The following MUC4 variants were observed in gnomAD, a reference collection of about 807,000 sequenced individuals.
The protein encoded by MUC4 is mucin-4.
MUC4 carries 202 observed loss-of-function variants against 257.9 expected under a neutral mutation model. That is an observed-to-expected ratio of 0.78 (90% CI 0.70 to 0.88). MUC4 has a LOEUF of 0.88. Among genes scored for constraint, MUC4 ranks in the 40% least tolerant of loss-of-function variants. MUC4 has a pLI of 0.00. For synonymous variants in MUC4, 2,351 were observed against 2,757.1 expected (o/e 0.85, Z 4.62); for missense variants, 5,976 against 6,513.7 (o/e 0.92, Z 2.84).
At position 195,790,291 on chromosome 3, in the gene MUC4, C is replaced by G. The variant is rs757852142; in HGVS notation, c.1289G>C (p.Trp430Ser). Residue 430 changes from tryptophan to serine, a missense_variant, in exon 2 of 25, where the codon TGG becomes TCG. By Grantham distance (177) the Trp-to-Ser change is radical (BLOSUM62 -3). This residue lies in a region of MUC4 where 1,583 missense variants were observed against 1,257.4 expected (regional missense o/e 1.26). Transcript: ENST00000463781. ...GAGTGCTGTTGACAGAGTGTCTGAC[C>G]ACCATATGGTTGAAACTTTGGAAGT... Reference protein sequence around the residue: ...AITSKVSTIWWSDTLSTALSP... With the variant: ...AITSKVSTIWSSDTLSTALSP... 1 of 1,613,928 alleles carries G rather than the reference C, an allele frequency of 6.2e-7. No homozygotes were observed. The highest frequency in any genetic ancestry group is 8.5e-7 in the Non-Finnish European group (1 of 1,179,856).
rs560125103 is a variant in MUC4, at chr3:195,781,549, G to C, written c.10031C>G (p.Pro3344Arg). The C allele has an allele frequency of 5.1e-5, 65 of 1,268,478 alleles. No individual in the cohort carries two copies. The African/African-American group carries it at 9.8e-4, about 19-fold the overall frequency. 78.6% of individuals were successfully genotyped at this position (1,268,478 alleles called of 1,614,324 possible). A position where few individuals can be genotyped will look rare whatever the true frequency, so the allele number is the denominator to read the frequency against. Reference sequence around the variant, plus strand: ...TGAGGAAGTGTCGGTGACAGGCACAGGGGTGGTGTCACCTGTGGATGCTGA... The same window carrying C: ...TGAGGAAGTGTCGGTGACAGGCACACGGGTGGTGTCACCTGTGGATGCTGA... The part of the protein sequence containing the change: ...PSSASTGDTT[P>R]VPVTDTSSVS... The change falls in exon 2 of 25, where the codon CCT becomes CGT. Residue 3344 changes from proline to arginine, a missense_variant. This residue lies in a region of MUC4 where 72 missense variants were observed against 33.5 expected (regional missense o/e 2.15). Coordinates refer to ENST00000463781, the MANE Select transcript of MUC4 (RefSeq NM_018406.7).
At position 195,756,563 on chromosome 3, in the gene MUC4, G is replaced by GTTTC. The variant is rs923652953; in HGVS notation, c.15168+580_15168+583dup. Reference sequence around the variant, plus strand: ...TTCGTCCTTCTTTTTCTCCAATATAGTTTCTTTCTTTCTTTCTTTTTCTCC... The same window carrying GTTTC: ...TTCGTCCTTCTTTTTCTCCAATATAGTTTCTTTCTTTCTTTCTTTCTTTTTCTCC... On this transcript the variant is annotated intron_variant, in intron 18 of 24. Transcript: ENST00000463781. Among the ~76,000 whole-genome samples the GTTTC allele has an allele frequency of 2.7e-5, 4 of 150,758 alleles. No homozygotes were observed. The South Asian group carries it at 6.3e-4, about 24-fold the overall frequency.
At chr3:195,761,874 T>C (rs953953931) in intron 14 of MUC4, among the ~76,000 whole-genome samples, 3 of 151,940 alleles carry the variant, frequency 2.0e-5, no homozygotes, top group African/African-American at 2.4e-5. Flanking sequence ...CAGCCCCCCC[T>C]GATGCTCCCT....
intron 1 of MUC4, chr3:195,809,853 A>AGGGGACCGGGGCCCTGG (rs1449079433): frequency 2.6e-5 from 4 of 152,340 alleles, no homozygotes; most frequent in Admixed American, 6.5e-5. Flanking sequence ...CTTTTTACAC[A>AGGGGACCGGGGCCCTGG]GGGGACCGGG....
At chr3:195,774,014 T>C (rs996834769) in intron 4 of MUC4, among the ~76,000 whole-genome samples, 158 bp downstream of exon 4, 1 of 152,248 alleles carries the variant, frequency 6.6e-6, no homozygotes, top group African/African-American at 2.4e-5. Flanking sequence ...CACCCTGTGT[T>C]CCTCAGGCAG....
chr3:195,806,971 G>A lies in MUC4; in HGVS notation c.82+4765C>T, dbSNP rs1191537351. Among the ~76,000 whole-genome samples the A allele has an allele frequency of 2.6e-5, 4 of 152,132 alleles. No homozygotes were observed. The South Asian group carries it at 8.3e-4, about 31-fold the overall frequency. Reference sequence around the variant, plus strand: ...CTTTTGGAACCTAAACTGCAACCTGGGCGGGGCGGCATCTCTACAGAGAGT... The same window carrying A: ...CTTTTGGAACCTAAACTGCAACCTGAGCGGGGCGGCATCTCTACAGAGAGT... On this transcript the variant is annotated intron_variant, in intron 1 of 24. Coordinates refer to ENST00000463781, the MANE Select transcript of MUC4 (RefSeq NM_018406.7).
Position 195,783,138 on chromosome 3 carries a change from G to T in MUC4, c.8442C>A (p.Ala2814=). The part of the protein sequence containing the change: ...TDASSVSTGH[A]TSLPVTDASS... ...AAGCGTCGGTGACAGGAAGAGAGGT[G>T]GCGTGACCTGTGGACACTGACGAAG... The change falls in exon 2 of 25, where the codon GCC becomes GCA. Residue 2814 remains alanine, a synonymous_variant. Coordinates refer to ENST00000463781, the MANE Select transcript of MUC4 (RefSeq NM_018406.7). The T allele has an allele frequency of 1.5e-6, 2 of 1,325,994 alleles. No homozygotes were observed. Among genetic ancestry groups the T allele is most frequent in the Non-Finnish European group, 1.0e-6 (1 of 991,728 alleles). The allele number at this position is 1,325,994 out of a possible 1,614,324, so 82.1% of individuals were successfully genotyped here.
Position 195,790,255 on chromosome 3 carries a change from G to T in MUC4, c.1325C>A (p.Ser442Tyr). 6.2e-7 allele frequency: 1 copy of T among 1,614,024 alleles called. No individual in the cohort carries two copies. Among genetic ancestry groups the T allele is most frequent in the South Asian group, 1.1e-5 (1 of 91,084 alleles). ...DTLSTALSPS[S>Y]LPPKISTAFH... ...AGCTGTGGATATTTTTGGAGGTAGA[G>T]AACTGGGGGAGAGTGCTGTTGACAG... The change falls in exon 2 of 25, where the codon TCT becomes TAT. Residue 442 changes from serine to tyrosine, a missense_variant. Ser to Tyr is a moderately radical substitution (Grantham distance 144). Around this residue, in one of 44 missense-constraint regions of MUC4, gnomAD observed 1,583 missense variants for 1,257.4 expected, o/e 1.26. Coordinates refer to ENST00000463781, the MANE Select transcript of MUC4 (RefSeq NM_018406.7).
At position 195,781,607 on chromosome 3, in the gene MUC4, G is replaced by A. The variant is rs1437615732; in HGVS notation, c.9973C>T (p.His3325Tyr). The A allele has an allele frequency of 4.1e-5, 24 of 584,214 alleles. No individual in the cohort carries two copies. In the East Asian group the frequency reaches 4.0e-3, roughly 96 times the overall value. The allele number at this position is 584,214 out of a possible 1,614,324, so 36.2% of individuals were successfully genotyped here. Residue 3325 changes from histidine to tyrosine, a missense_variant, in exon 2 of 25, where the codon CAC becomes TAC. Transcript: ENST00000463781. ...VTDASSASTGHATPLHVTSPS... is the reference protein window; with the variant it reads ...VTDASSASTGYATPLHVTSPS... ...CTGGTGACATGAAGAGGGGTGGCGT[G>A]ACCTGTGGATGCTGAGGAAGCGTCG...
chr3:195,806,551 T>C (rs747591679), intron 1 of MUC4, among the ~76,000 whole-genome samples: 5 of 152,272 alleles, frequency 3.3e-5, no homozygotes, highest in Non-Finnish European at 7.3e-5. Flanking sequence ...CATCCAGTGC[T>C]GTGTCCTAGA....
In MUC4 at chr3:195,789,182, C is replaced by G; in HGVS notation, c.2398G>C (p.Ala800Pro). 6.2e-7 allele frequency: 1 copy of G among 1,613,818 alleles called. No homozygotes were observed. The highest frequency in any genetic ancestry group is 8.5e-7 in the Non-Finnish European group (1 of 1,179,854). The stretch of plus-strand genomic sequence containing the variant: ...GATGAGGAAGGGGTAGCTGTGCCCG[C>G]TGAGGTGGTTCGTGACCCTGAGGAG... The part of the protein sequence containing the change: ...PASSGSRTTS[A>P]GTATPSSSGA... Residue 800 changes from alanine to proline, a missense_variant, in exon 2 of 25, where the codon GCG becomes CCG. Physicochemically the swap from Ala to Pro is conservative, Grantham distance 27. Around this residue, in one of 44 missense-constraint regions of MUC4, gnomAD observed 1,583 missense variants for 1,257.4 expected, o/e 1.26. Coordinates refer to ENST00000463781, the MANE Select transcript of MUC4 (RefSeq NM_018406.7).
intron 1 of MUC4, among the ~76,000 whole-genome samples, chr3:195,805,391 C>T (rs1412092862): frequency 1.3e-5 from 2 of 152,182 alleles, no homozygotes; most frequent in African/African-American, 4.8e-5. Flanking sequence ...CAGCTCAACT[C>T]TCTTTTCCCC....
At position 195,755,779 on chromosome 3, in the gene MUC4, C is replaced by T. The variant is rs976096648; in HGVS notation, c.15168+1368G>A. Among the ~76,000 whole-genome samples, 2 of 151,984 alleles carry T rather than the reference C, an allele frequency of 1.3e-5. No individual in the cohort carries two copies. Among genetic ancestry groups the T allele is most frequent in the African/African-American group, 2.4e-5 (1 of 41,368 alleles). On this transcript the variant is annotated intron_variant, in intron 18 of 24. Transcript: ENST00000463781. The surrounding 1 kb of genome is among the most constrained non-coding windows in gnomAD (Gnocchi z 5.0). ...CATTGTGTATTTTATGCTTTTCTACCCCCTACCCCACCAACCGTCCCTACC... is the reference window on the plus strand; with the variant it reads ...CATTGTGTATTTTATGCTTTTCTACTCCCTACCCCACCAACCGTCCCTACC...
chr3:195,747,441 C>G, intron 24 of MUC4, 61 bp from the exon 25 acceptor site: 1 of 1,548,300 alleles, frequency 6.5e-7, no homozygotes, highest in East Asian at 2.3e-5. Context: ...CCAGCCCCTC[C>G]TCTTCTGCTG....
At position 195,788,271 on chromosome 3, in the gene MUC4, G is replaced by A; in HGVS notation, c.3309C>T (p.Thr1103=). 1 of 1,547,636 alleles carries A rather than the reference G, an allele frequency of 6.5e-7. No homozygotes were observed. Among genetic ancestry groups the A allele is most frequent in the South Asian group, 1.2e-5 (1 of 83,838 alleles). ...AGGAAGTGTCGGTGACAGGAAGAGA[G>A]GTGGCGTGACCTGTGGATGCTGAGG... ...DTSSASTGHA[T]SLPVTDTSSV... The change falls in exon 2 of 25, where the codon ACC becomes ACT. Residue 1103 remains threonine, a synonymous_variant. Coordinates refer to ENST00000463781, the MANE Select transcript of MUC4 (RefSeq NM_018406.7).
rs541248465 is a variant in MUC4 at position 195,748,861 on chromosome 3, C to T, written c.16034+41G>A. The stretch of plus-strand genomic sequence containing the variant: ...GCAGTGTCTTGCCCAGCTTGGGTTC[C>T]CCAGCACTGTCCTCCACCTCCTGGC... On this transcript the variant is annotated intron_variant, in intron 24 of 24. Transcript: ENST00000463781. The T allele has an allele frequency of 4.0e-6, 6 of 1,517,304 alleles. No homozygotes were observed. The Admixed American group carries it at 8.8e-5, about 22-fold the overall frequency. The allele number at this position is 1,517,304 out of a possible 1,614,324, so 94.0% of individuals were successfully genotyped here.
Position 195,757,914 on chromosome 3 carries a change from T to C in MUC4, c.14987-586A>G, listed in dbSNP as rs1209948478. ...TGACAGAGAATAGACGAACGTAATT[T>C]CCAGACCATCGTCCTTCAGGGGTGG... On this transcript the variant is annotated intron_variant, in intron 17 of 24. Transcript: ENST00000463781. The surrounding 1 kb of genome is among the most constrained non-coding windows in gnomAD (Gnocchi z 4.8). Among the ~76,000 whole-genome samples, 1 of 152,200 alleles carries C rather than the reference T, an allele frequency of 6.6e-6. No homozygotes were observed. The highest frequency in any genetic ancestry group is 1.5e-5 in the Non-Finnish European group (1 of 68,034).
chr3:195,749,138 T>C, intron 23 of MUC4, 74 bp from the exon 24 acceptor site: 1 of 1,550,406 alleles, frequency 6.4e-7, no homozygotes, highest in Admixed American at 1.8e-5. Flanking sequence ...AGCCACGAAT[T>C]CCTTTTCGGG....
At chr3:195,753,386 T>C (rs1210822727) in intron 19 of MUC4, 156 bp from the exon 20 acceptor site, 3 of 701,172 alleles carry the variant, frequency 4.3e-6, no homozygotes, top group Non-Finnish European at 7.0e-6. Flanking sequence ...TTTCCAGGCG[T>C]TTCTCTGCAG....
Sources: gnomAD v4.1 joint callset for allele counts (sites outside exome capture counted in the v4.1 genomes callset) on GRCh38, gnomAD v4.1.1 for gene constraint, gnomAD v4.1.1 regional missense constraint, Gnocchi (gnomAD v3.1) non-coding constraint, MANE v1.5 for transcripts, NCBI Gene and HGNC (gene_info 2026-07-23, HGNC 2026-07-21) for gene names.